Variants in ASIC2 observed in about 807,000 individuals in gnomAD.
ASIC2 encodes the protein acid sensing ion channel subunit 2.
Under a neutral mutation model 57.3 loss-of-function variants are expected in ASIC2, and 25 were observed. The ratio of observed to expected loss-of-function variants is 0.44; its 90% CI spans 0.32 to 0.61. The LOEUF (loss-of-function observed/expected upper bound fraction) is 0.61. Among genes scored for constraint, ASIC2 ranks in the 20% least tolerant of loss-of-function variants. The pLI is 0.06. For synonymous variants in ASIC2, 319 were observed against 307.5 expected, an observed-to-expected ratio of 1.04 and a Z score of -0.39; for missense variants, 641 against 738.1, an observed-to-expected ratio of 0.87 and a Z score of 1.52.
intron 1 of ASIC2, among the ~76,000 whole-genome samples, chr17:33,540,395 A>G (rs757044364): frequency 6.6e-6 from 1 of 152,056 alleles, no homozygotes; most frequent in Non-Finnish European, 1.5e-5. Flanking sequence ...AGGAGTTAGG[A>G]CTTCAATATA....
intron 1 of ASIC2, among the ~76,000 whole-genome samples, chr17:33,864,664 T>C (rs1004075999): frequency 2.6e-5 from 4 of 152,192 alleles, no homozygotes; most frequent in African/African-American, 9.7e-5. Flanking sequence ...AGGTACCCTA[T>C]GCACTGTGTG....
intron 1 of ASIC2, among the ~76,000 whole-genome samples, chr17:33,562,221 A>AT (rs3032156): frequency 0.047 from 7,053 of 149,980 alleles, 224 homozygotes; most frequent in Non-Finnish European, 0.074. Context: ...CTTGTAACAC[A>AT]TTTTTTTTTT....
chr17:33,711,383 A>C (rs1419985717), intron 1 of ASIC2, among the ~76,000 whole-genome samples: 1 of 152,160 alleles, frequency 6.6e-6, no homozygotes, highest in African/African-American at 2.4e-5. Context: ...CATTTGCCAC[A>C]GTTATACCCA....
rs187005644 is a variant in ASIC2, at chr17:33,017,472, A to G, written c.1521+133T>C. On this transcript the variant is annotated intron_variant, in intron 8 of 9. Transcript: ENST00000225823. ...AGCCTGGGCTTCAGTGATCGACTCT[A>G]TTGGTGGACAGGAGGGGAAGCAGGC... 55 of 718,914 alleles carry G rather than the reference A, an allele frequency of 7.7e-5. No individual in the cohort carries two copies. The African/African-American group carries it at 8.8e-4, about 11-fold the overall frequency. The allele number at this position is 718,914 out of a possible 1,614,324, so 44.5% of individuals were successfully genotyped here.
chr17:33,205,700 T>C (rs1907034838), intron 1 of ASIC2, among the ~76,000 whole-genome samples: 1 of 152,164 alleles, frequency 6.6e-6, no homozygotes, highest in African/African-American at 2.4e-5. Flanking sequence ...GGCCATTCAG[T>C]TCTGGTTGGG....
chr17:33,794,929 A>G (rs1019103942), intron 1 of ASIC2, among the ~76,000 whole-genome samples: 11 of 152,206 alleles, frequency 7.2e-5, no homozygotes, highest in African/African-American at 2.7e-4. Context: ...TGAATAAGAC[A>G]CTTGGGCCCT....
intron 1 of ASIC2, among the ~76,000 whole-genome samples, chr17:34,114,006 C>T (rs969299643): frequency 3.3e-5 from 5 of 152,204 alleles, no homozygotes; most frequent in African/African-American, 9.7e-5. Context: ...AGTCATCCAT[C>T]GTCTATTTGT....
chr17:33,834,570 G>A (rs915921694), intron 1 of ASIC2: 12 of 152,230 alleles, frequency 7.9e-5, no homozygotes, highest in Non-Finnish European at 1.3e-4. Context: ...TCTTTTTCCT[G>A]TGGGGACATA....
intron 1 of ASIC2, among the ~76,000 whole-genome samples, chr17:33,538,045 G>A (rs1044888540): frequency 7.2e-5 from 11 of 152,308 alleles, no homozygotes; most frequent in African/African-American, 2.4e-4. Flanking sequence ...TGGCTGGTGG[G>A]AGCACTAAAG....
chr17:33,073,131 C>A (rs1173878920), intron 3 of ASIC2, among the ~76,000 whole-genome samples: 2 of 152,100 alleles, frequency 1.3e-5, no homozygotes, highest in Non-Finnish European at 2.9e-5. Flanking sequence ...TAGCCGGGAG[C>A]AAAATCAGGA....
At chr17:33,078,783 T>C (rs987625622) in intron 3 of ASIC2, among the ~76,000 whole-genome samples, 25 of 152,256 alleles carry the variant, frequency 1.6e-4, no homozygotes, top group African/African-American at 6.0e-4. Flanking sequence ...CCTCTCCTGC[T>C]GGCCTGTAAG....
At position 33,628,293 on chromosome 17, in the gene ASIC2, CT is replaced by C. The variant is rs796936645; in HGVS notation, c.556-516227del. Among the ~76,000 whole-genome samples, 1,205 of 143,282 alleles carry C rather than the reference CT, an allele frequency of 8.4e-3. 16 individuals are homozygous for C. The highest frequency in any genetic ancestry group is 0.024 in the African/African-American group (931 of 39,386). The allele number at this position is 143,282 out of a possible 152,430, so 94.0% of individuals were successfully genotyped here. A position where few individuals can be genotyped will look rare whatever the true frequency, so the allele number is the denominator to read the frequency against. ...ATTTTCTGATATCTACCTGTCTGGTCTTTTTTTTTTTTTGTTGAGACAGGTT... is the reference window on the plus strand; with the variant it reads ...ATTTTCTGATATCTACCTGTCTGGTCTTTTTTTTTTTTGTTGAGACAGGTT... On this transcript the variant is annotated intron_variant, in intron 1 of 9. Coordinates refer to the ASIC2 transcript ENST00000359872.
intron 1 of ASIC2, among the ~76,000 whole-genome samples, chr17:33,579,770 G>C (rs181850511): frequency 1.5e-4 from 23 of 152,180 alleles, no homozygotes; most frequent in African/African-American, 3.4e-4. Flanking sequence ...TCATTCAGAA[G>C]AGCAAAAGAA....
chr17:33,576,455 CATCT>C (rs1474324081), intron 1 of ASIC2, among the ~76,000 whole-genome samples: 1 of 152,214 alleles, frequency 6.6e-6, no homozygotes, highest in East Asian at 1.9e-4. Flanking sequence ...CCAAGGTCTG[CATCT>C]TTCTTTTTCA....
chr17:34,090,634 A>C (rs1910298591), intron 1 of ASIC2, among the ~76,000 whole-genome samples: 1 of 152,202 alleles, frequency 6.6e-6, no homozygotes, highest in Non-Finnish European at 1.5e-5. Context: ...AACTCAACCC[A>C]AGAAGGAAAA....
chr17:33,932,715 A>AAG (rs1567760141), intron 1 of ASIC2: 2 of 16,132 alleles, frequency 1.2e-4, no homozygotes, highest in African/African-American at 4.0e-4. Context: ...CTTTGTTTCA[A>AAG]AAAAAAAAAA....
At chr17:33,411,017 A>C (rs1295466845) in intron 1 of ASIC2, among the ~76,000 whole-genome samples, 1 of 152,242 alleles carries the variant, frequency 6.6e-6, no homozygotes, top group Admixed American at 6.5e-5. Flanking sequence ...AAATGAATGA[A>C]GGATAAGCCA....
intron 1 of ASIC2, among the ~76,000 whole-genome samples, chr17:34,101,020 G>A (rs1910845052): frequency 6.6e-6 from 1 of 152,154 alleles, no homozygotes; most frequent in Non-Finnish European, 1.5e-5. Flanking sequence ...ACTTCATAGA[G>A]TTTCTGTTAG....
At chr17:33,334,629 G>T (rs977989515) in intron 1 of ASIC2, among the ~76,000 whole-genome samples, 1 of 152,182 alleles carries the variant, frequency 6.6e-6, no homozygotes, top group African/African-American at 2.4e-5. Context: ...AGTATCTTTA[G>T]CTCTCACAGA....
Sources: gnomAD v4.1 joint callset for allele counts (sites outside exome capture counted in the v4.1 genomes callset) on GRCh38, gnomAD v4.1.1 for gene constraint, MANE v1.5 for transcripts, NCBI Gene and HGNC (gene_info 2026-07-23, HGNC 2026-07-21) for gene names.